COBL: variants seen among roughly 807,000 people sequenced by gnomAD.
The protein encoded by COBL is cordon-bleu WH2 repeat protein.
A neutral mutation model predicts 98.8 loss-of-function variants in COBL; 51 were observed. That is an observed-to-expected ratio of 0.52 (90% CI 0.41 to 0.65). The LOEUF (loss-of-function observed/expected upper bound fraction) is 0.65. Ranked by LOEUF, COBL falls within the 30% of genes least tolerant of loss-of-function variation. The pLI is 0.00. For synonymous variants in COBL, 634 were observed against 651.7 expected, an observed-to-expected ratio of 0.97 and a Z score of 0.41; for missense variants, 1,617 against 1,617.5, an observed-to-expected ratio of 1.00 and a Z score of 0.01.
intron 8 of COBL, among the ~76,000 whole-genome samples, chr7:51,038,313 C>T (rs1300201820): frequency 2.0e-5 from 3 of 152,208 alleles, no homozygotes; most frequent in East Asian, 3.9e-4. Context: ...AGTCGAACCT[C>T]TAAATACAAC....
intron 1 of COBL, among the ~76,000 whole-genome samples, chr7:51,274,913 T>C (rs1799146878): frequency 1.3e-5 from 2 of 152,352 alleles, no homozygotes; most frequent in East Asian, 3.9e-4. Context: ...TAGCAATCAT[T>C]TGATTTGATT....
chr7:51,075,653 G>C (rs577840353), intron 7 of COBL, among the ~76,000 whole-genome samples: 193 of 152,304 alleles, frequency 1.3e-3, no homozygotes, highest in African/African-American at 4.4e-3. Flanking sequence ...AGCTGGCAAA[G>C]TGCTGTTCTG....
intron 1 of COBL, among the ~76,000 whole-genome samples, chr7:51,255,799 C>A (rs184946418): frequency 1.3e-5 from 2 of 152,110 alleles, no homozygotes; most frequent in Non-Finnish European, 2.9e-5. Flanking sequence ...GGTGGTGTGC[C>A]GATGCAGGAG....
At chr7:51,092,608 T>G (rs1376051800) in intron 6 of COBL, among the ~76,000 whole-genome samples, 2 of 152,188 alleles carry the variant, frequency 1.3e-5, no homozygotes, top group African/African-American at 2.4e-5. Context: ...TGGGTTTATT[T>G]CTGGGCTTTC....
At chr7:51,313,351 G>T (rs186483169) in intron 1 of COBL, among the ~76,000 whole-genome samples, 3 of 152,014 alleles carry the variant, frequency 2.0e-5, no homozygotes, top group Non-Finnish European at 4.4e-5. Flanking sequence ...TACTATGTGC[G>T]GCACCGACAG....
At chr7:51,130,261 A>G (rs556438039) in intron 6 of COBL, among the ~76,000 whole-genome samples, 6 of 152,268 alleles carry the variant, frequency 3.9e-5, no homozygotes, top group Admixed American at 1.3e-4. Flanking sequence ...CCTTCCGAAC[A>G]AAGCACTCCA....
Position 51,018,606 on chromosome 7 carries a change from T to C in COBL, c.3769-1038A>G, listed in dbSNP as rs1263498563. 4.0e-5 allele frequency among the ~76,000 whole-genome samples: 6 copies of C among 151,858 alleles called. 1 individual carries two copies. The East Asian group carries it at 7.8e-4, about 20-fold the overall frequency. On this transcript the variant is annotated intron_variant, in intron 12 of 12. Transcript: ENST00000265136. ...AAATTCGTCAACTTTCTTAAAACAT[T>C]ATGAGGGTGGGCATAGTGGCTCACA...
intron 5 of COBL, among the ~76,000 whole-genome samples, chr7:51,167,918 T>C (rs537677434): frequency 6.6e-6 from 1 of 152,280 alleles, no homozygotes; most frequent in East Asian, 1.9e-4. Flanking sequence ...CAAATCAAAA[T>C]TGATTTAAGA....
chr7:51,091,847 C>T (rs1212207871), intron 6 of COBL, among the ~76,000 whole-genome samples: 1 of 152,094 alleles, frequency 6.6e-6, no homozygotes, highest in Non-Finnish European at 1.5e-5. Flanking sequence ...AAAAACTTTG[C>T]AAGCCAGAAG....
chr7:51,131,887 C>T (rs10228318), intron 6 of COBL, among the ~76,000 whole-genome samples: 8,771 of 152,116 alleles, frequency 0.058, 297 homozygotes, highest in Middle Eastern at 0.12. Flanking sequence ...CCACCATGCC[C>T]GGTGATTTTT....
At chr7:51,032,835 T>C (rs1788288651) in intron 8 of COBL, 2 of 152,122 alleles carry the variant, frequency 1.3e-5, no homozygotes, top group Admixed American at 6.5e-5. Flanking sequence ...ATAAAATATA[T>C]GGCAGAGAAA....
At chr7:51,112,086 T>C (rs1796880444) in intron 6 of COBL, among the ~76,000 whole-genome samples, 1 of 152,182 alleles carries the variant, frequency 6.6e-6, no homozygotes, top group African/African-American at 2.4e-5. Context: ...TTTCTATTTT[T>C]ACTAAAGACT....
chr7:51,104,844 T>C (rs1005406670), intron 6 of COBL, among the ~76,000 whole-genome samples: 7 of 152,268 alleles, frequency 4.6e-5, no homozygotes, highest in African/African-American at 1.4e-4. Context: ...ACATTTTAAA[T>C]GGTCCATTTT....
At chr7:51,179,887 A>G (rs1338075270) in intron 5 of COBL, among the ~76,000 whole-genome samples, 1 of 152,160 alleles carries the variant, frequency 6.6e-6, no homozygotes, top group African/African-American at 2.4e-5. Context: ...CACTGAAATG[A>G]TTTTTGTGAC....
At chr7:51,279,215 A>G (rs1205660370) in intron 1 of COBL, among the ~76,000 whole-genome samples, 1 of 152,248 alleles carries the variant, frequency 6.6e-6, no homozygotes, top group Non-Finnish European at 1.5e-5. Context: ...AAGTAGCTAC[A>G]CTAAATCCCT....
At chr7:51,231,955 G>A (rs1794796677) in intron 1 of COBL, among the ~76,000 whole-genome samples, 1 of 152,172 alleles carries the variant, frequency 6.6e-6, no homozygotes, top group Non-Finnish European at 1.5e-5. Context: ...ACCCAGGCCT[G>A]AGCTCCTGCC....
intron 1 of COBL, among the ~76,000 whole-genome samples, chr7:51,244,096 C>G (rs1220929868): frequency 6.6e-6 from 1 of 152,194 alleles, no homozygotes; most frequent in African/African-American, 2.4e-5. Context: ...TCCTCTCCAG[C>G]ACAGTTTTCT....
intron 2 of COBL, among the ~76,000 whole-genome samples, chr7:51,200,677 C>A (rs559093717): frequency 2.6e-5 from 4 of 151,852 alleles, no homozygotes; most frequent in African/African-American, 7.3e-5. Context: ...TACACTGCTA[C>A]GATAATCAAA....
rs1467470866 is a variant in COBL, at chr7:51,017,351, C to T, written c.*200G>A. 3 of 614,012 alleles carry T rather than the reference C, an allele frequency of 4.9e-6. No homozygotes were observed. Among genetic ancestry groups the T allele is most frequent in the South Asian group, 2.0e-5 (1 of 50,610 alleles). 38.0% of individuals were successfully genotyped at this position (614,012 alleles called of 1,614,324 possible). On this transcript the variant is annotated 3_prime_UTR_variant, in exon 13 of 13. Coordinates refer to ENST00000265136, the MANE Select transcript of COBL (RefSeq NM_015198.5). ...AGGCAAAACACATTTCCTTGGCACA[C>T]GAGCTGCGCAGCGACACAGCATCTT... is the stretch of plus-strand genomic sequence containing the variant.
Sources: gnomAD v4.1 joint callset for allele counts (sites outside exome capture counted in the v4.1 genomes callset) on GRCh38, gnomAD v4.1.1 for gene constraint, MANE v1.5 for transcripts, NCBI Gene and HGNC (gene_info 2026-07-23, HGNC 2026-07-21) for gene names.